RBFOX1: variants seen among roughly 807,000 people sequenced by gnomAD.
RBFOX1 encodes RNA binding fox-1 homolog 1.
A neutral mutation model predicts 57.7 loss-of-function variants in RBFOX1; 8 were observed. That is an observed-to-expected ratio of 0.14 (90% CI 0.08 to 0.25). The LOEUF is 0.25. Ranked by LOEUF, RBFOX1 falls within the 10% of genes least tolerant of loss-of-function variation. The pLI is 1.00. For synonymous variants in RBFOX1, 326 were observed against 222.4 expected (o/e 1.47, Z -4.15); for missense variants, 611 against 548.5 (o/e 1.11, Z -1.14).
chr16:5,642,876 G>C (rs893178903), intron 3 of RBFOX1, among the ~76,000 whole-genome samples: 1 of 152,088 alleles, frequency 6.6e-6, no homozygotes. Flanking sequence ...CTAGAGTGAG[G>C]GGGTCTGTAT....
At position 7,689,958 on chromosome 16, in the gene RBFOX1, G is replaced by A. The variant is rs1288222950; in HGVS notation, c.995+13120G>A. 2.0e-5 allele frequency among the ~76,000 whole-genome samples: 3 copies of A among 152,180 alleles called. No homozygotes were observed. In the East Asian group the frequency reaches 5.8e-4, roughly 30 times the overall value. On this transcript the variant is annotated intron_variant, in intron 14 of 15. Coordinates refer to ENST00000550418, the MANE Select transcript of RBFOX1 (RefSeq NM_018723.4). The stretch of plus-strand genomic sequence containing the variant: ...CATAGTCTAAAACCTAAGTAGCTAG[G>A]TTGCCCTGGAGGCAAGCATGGTGGC...
chr16:6,478,417 ATATATATATATATTTTT>A lies in RBFOX1; in HGVS notation c.-64+161362_-64+161378del, dbSNP rs1192060271. ...TATATATATATATATATATATATAT[ATATATATATATATTTTT>A]TTTTTTTTTTTTTGTATTTTTAGTA... is the stretch of plus-strand genomic sequence containing the variant. On this transcript the variant is annotated intron_variant, in intron 2 of 15. Transcript: ENST00000550418. Among the ~76,000 whole-genome samples, 133 of 16,450 alleles carry A rather than the reference ATATATATATATATTTTT, an allele frequency of 8.1e-3. 8 individuals carry two copies. In the East Asian group the frequency reaches 0.11, roughly 14 times the overall value. The allele number at this position is 16,450 out of a possible 152,430, so 10.8% of individuals were successfully genotyped here.
intron 2 of RBFOX1, among the ~76,000 whole-genome samples, chr16:5,532,799 T>C (rs1370727903): frequency 1.3e-5 from 2 of 152,120 alleles, no homozygotes; most frequent in Non-Finnish European, 2.9e-5. Flanking sequence ...GGTGGTGGGT[T>C]GTGAGGCAGA....
At chr16:7,203,438 A>G (rs1602979344) in intron 4 of RBFOX1, among the ~76,000 whole-genome samples, 1 of 152,372 alleles carries the variant, frequency 6.6e-6, no homozygotes, top group Non-Finnish European at 1.5e-5. Flanking sequence ...TTACAAGACA[A>G]AAAGAGTTCT....
At chr16:5,448,429 G>A (rs192890026) in intron 1 of RBFOX1, among the ~76,000 whole-genome samples, 1 of 152,292 alleles carries the variant, frequency 6.6e-6, no homozygotes, top group East Asian at 1.9e-4. Context: ...ATAATGAACA[G>A]CTGGGAAATA....
At chr16:7,332,911 T>C in intron 4 of RBFOX1, 1 of 1,593,662 alleles carries the variant, frequency 6.3e-7, no homozygotes, top group Non-Finnish European at 8.5e-7. Context: ...CTCCCAGCTT[T>C]GTAGTTCGGA....
rs147638335 is a variant in RBFOX1 at position 7,412,780 on chromosome 16, C to T, written c.28-105367C>T. 4.5e-3 allele frequency among the ~76,000 whole-genome samples: 683 copies of T among 152,300 alleles called. 10 individuals are homozygous for T. Among genetic ancestry groups the T allele is most frequent in the African/African-American group, 0.012 (479 of 41,576 alleles). Reference sequence around the variant, plus strand: ...AATTACGACTGGGCATGGTGGCTCACGCCTGTGATCCCAGAGCTCTGGGAG... The same window carrying T: ...AATTACGACTGGGCATGGTGGCTCATGCCTGTGATCCCAGAGCTCTGGGAG... On this transcript the variant is annotated intron_variant, in intron 4 of 15. Transcript: ENST00000550418.
chr16:6,139,712 C>G (rs139735076), intron 1 of RBFOX1, among the ~76,000 whole-genome samples: 3 of 152,328 alleles, frequency 2.0e-5, no homozygotes, highest in Non-Finnish European at 2.9e-5. Flanking sequence ...CTCTTTCTTG[C>G]TCTCTTCCTC....
chr16:7,421,260 T>C (rs1197493868), intron 4 of RBFOX1, among the ~76,000 whole-genome samples: 6 of 152,222 alleles, frequency 3.9e-5, no homozygotes, highest in South Asian at 4.1e-4. Context: ...ACCTATGTTG[T>C]AATTGAAGCT....
At chr16:7,098,097 T>C (rs2062007320) in intron 4 of RBFOX1, among the ~76,000 whole-genome samples, 1 of 152,196 alleles carries the variant, frequency 6.6e-6, no homozygotes, top group African/African-American at 2.4e-5. Flanking sequence ...AGGCAAGTGG[T>C]ACAAGTGAGG....
intron 2 of RBFOX1, among the ~76,000 whole-genome samples, chr16:6,441,305 A>C (rs1406432224): frequency 2.6e-5 from 4 of 152,178 alleles, no homozygotes; most frequent in Non-Finnish European, 5.9e-5. Context: ...TCCTAAGGGA[A>C]CGAGCTCTCT....
chr16:7,430,991 T>C (rs1340782377), intron 4 of RBFOX1, among the ~76,000 whole-genome samples: 2 of 152,200 alleles, frequency 1.3e-5, no homozygotes. Context: ...ATCTATGTTG[T>C]ATGGTAGTTT....
At chr16:6,296,877 C>T (rs1174495105) in intron 1 of RBFOX1, among the ~76,000 whole-genome samples, 1 of 152,106 alleles carries the variant, frequency 6.6e-6, no homozygotes, top group African/African-American at 2.4e-5. Context: ...AGAAAGAATT[C>T]AGGATGAGTC....
intron 1 of RBFOX1, among the ~76,000 whole-genome samples, chr16:6,211,522 C>G (rs1000258769): frequency 3.9e-5 from 6 of 152,110 alleles, no homozygotes; most frequent in Non-Finnish European, 5.9e-5. Flanking sequence ...GCCACCTCGC[C>G]CAGCCAATCT....
intron 3 of RBFOX1, among the ~76,000 whole-genome samples, chr16:5,705,129 T>G (rs939981867): frequency 4.6e-5 from 7 of 152,162 alleles, no homozygotes; most frequent in African/African-American, 1.4e-4. Flanking sequence ...TAGGGTAAAA[T>G]AAATCATTTG....
At chr16:5,937,074 C>T (rs1209600529) in intron 4 of RBFOX1, among the ~76,000 whole-genome samples, 1 of 144,932 alleles carries the variant, frequency 6.9e-6, no homozygotes. Context: ...GCATCATAGA[C>T]CTATTGTAAG....
chr16:7,080,394 T>C (rs1397732024), intron 4 of RBFOX1, among the ~76,000 whole-genome samples: 2 of 152,172 alleles, frequency 1.3e-5, no homozygotes, highest in African/African-American at 4.8e-5. Flanking sequence ...AACCTGTCTT[T>C]ATCCTGGCAG....
intron 3 of RBFOX1, among the ~76,000 whole-genome samples, chr16:5,664,807 T>C (rs1427830401): frequency 6.6e-6 from 1 of 152,166 alleles, no homozygotes; most frequent in East Asian, 1.9e-4. Flanking sequence ...GCTCCTAGTT[T>C]AAAATCCTCC....
intron 3 of RBFOX1, among the ~76,000 whole-genome samples, chr16:5,737,893 CAT>C (rs745963556): frequency 4.6e-5 from 7 of 152,070 alleles, no homozygotes; most frequent in African/African-American, 7.2e-5. Context: ...TTCTGAGACA[CAT>C]GTGCAGAACG....
Sources: gnomAD v4.1 joint callset for allele counts (sites outside exome capture counted in the v4.1 genomes callset) on GRCh38, gnomAD v4.1.1 for gene constraint, MANE v1.5 for transcripts, NCBI Gene and HGNC (gene_info 2026-07-23, HGNC 2026-07-21) for gene names.